The following LYG1 variants were observed in gnomAD, a reference collection of about 807,000 sequenced individuals.
The protein encoded by LYG1 is lysozyme g-like protein 1.
In LYG1, 17 loss-of-function variants were observed where a neutral mutation model predicts 21.7. That is an observed-to-expected ratio of 0.78 (90% CI 0.54 to 1.18). The LOEUF is 1.18. Ranked by LOEUF, LYG1 falls within the 50% of genes most tolerant of loss-of-function variation. The probability of loss-of-function intolerance (pLI) is 0.00; values close to 1 mark genes in which losing one functional copy is unlikely to be tolerated. For missense variants in LYG1, 211 were observed against 238.1 expected, an observed-to-expected ratio of 0.89 and a Z score of 0.75; for synonymous variants, 81 against 87.4, an observed-to-expected ratio of 0.93 and a Z score of 0.41.
chr2:99,288,814 T>A (rs1457065938), intron 5 of LYG1, among the ~76,000 whole-genome samples: 1 of 152,028 alleles, frequency 6.6e-6, no homozygotes, highest in East Asian at 1.9e-4. Context: ...AAATGATCCA[T>A]CCGCCTCAGC....
Position 99,284,264 on chromosome 2 carries a change from T to G in LYG1, c.*129A>C. On this transcript the variant is annotated 3_prime_UTR_variant, in exon 7 of 7. Coordinates refer to ENST00000308528, the MANE Select transcript of LYG1 (RefSeq NM_174898.3). ...GCAGGTCAAAATTCTTCCTTTAATG[T>G]GATTCATGTTATTTTAATGACTTTT... The G allele has an allele frequency of 1.3e-6, 1 of 756,890 alleles. No homozygotes were observed. Among genetic ancestry groups the G allele is most frequent in the Non-Finnish European group, 2.2e-6 (1 of 446,154 alleles). The allele number at this position is 756,890 out of a possible 1,614,324, so 46.9% of individuals were successfully genotyped here.
intron 3 of LYG1, among the ~76,000 whole-genome samples, chr2:99,294,865 C>A (rs562479480): frequency 1.3e-5 from 2 of 152,196 alleles, no homozygotes; most frequent in South Asian, 4.1e-4. Context: ...GTAATCCCAG[C>A]ACTTTGGGAG....
intron 5 of LYG1, among the ~76,000 whole-genome samples, chr2:99,290,361 C>G (rs2094114780): frequency 6.6e-6 from 1 of 152,208 alleles, no homozygotes; most frequent in Admixed American, 6.5e-5. Flanking sequence ...TATTTCCTCA[C>G]TTGTCAAGGA....
At chr2:99,287,218 T>C (rs1010137976) in intron 5 of LYG1, among the ~76,000 whole-genome samples, 2 of 152,222 alleles carry the variant, frequency 1.3e-5, no homozygotes, top group African/African-American at 4.8e-5. Flanking sequence ...TTAACAACAC[T>C]GTATTGTATG....
At chr2:99,294,982 A>T (rs1430080946) in intron 3 of LYG1, among the ~76,000 whole-genome samples, 2 of 152,166 alleles carry the variant, frequency 1.3e-5, no homozygotes, top group African/African-American at 4.8e-5. Context: ...GGCGCCTGTA[A>T]TCCCAGCTAC....
chr2:99,285,936 T>A (rs961514719), intron 5 of LYG1, among the ~76,000 whole-genome samples: 6 of 152,358 alleles, frequency 3.9e-5, no homozygotes, highest in Middle Eastern at 3.4e-3. Context: ...GTGAAATTCA[T>A]GTTGAAACTT....
intron 2 of LYG1, among the ~76,000 whole-genome samples, chr2:99,297,487 G>T (rs1303805693): frequency 6.6e-6 from 1 of 152,148 alleles, no homozygotes; most frequent in Non-Finnish European, 1.5e-5. Flanking sequence ...CTTCCTCTTG[G>T]AAACCCAAGT....
At chr2:99,285,045 C>G (rs915714131) in intron 5 of LYG1, among the ~76,000 whole-genome samples, 2 of 152,160 alleles carry the variant, frequency 1.3e-5, no homozygotes, top group African/African-American at 4.8e-5. Context: ...AAACCACTGA[C>G]AGTGCACAAA....
rs1321230506 is a variant in LYG1, at chr2:99,291,492, A to G, written c.149-71T>C. ...CTGCAACAGGAGCTCAAGGGGAGAG[A>G]GAAAGAACAATCCAAGGATCTGAGT... On this transcript the variant is annotated intron_variant, in intron 4 of 6. Coordinates refer to ENST00000308528, the MANE Select transcript of LYG1 (RefSeq NM_174898.3). 6 of 1,496,858 alleles carry G rather than the reference A, an allele frequency of 4.0e-6. No homozygotes were observed. The African/African-American group carries it at 8.3e-5, about 21-fold the overall frequency. The allele number at this position is 1,496,858 out of a possible 1,614,324, so 92.7% of individuals were successfully genotyped here.
At chr2:99,290,250 C>G (rs144220112) in intron 5 of LYG1, among the ~76,000 whole-genome samples, 1 of 152,300 alleles carries the variant, frequency 6.6e-6, no homozygotes, top group East Asian at 1.9e-4. Context: ...AACAGCGCAG[C>G]AGAAATGATG....
At chr2:99,303,636 A>G (rs2094160229), upstream of LYG1, among the ~76,000 whole-genome samples, 1 of 152,148 alleles carries the variant, frequency 6.6e-6, no homozygotes, top group Non-Finnish European at 1.5e-5. Context: ...ATTGCATTGG[A>G]GGTGAGCCAG....
At chr2:99,304,422 C>T (rs1425243856), upstream of LYG1, among the ~76,000 whole-genome samples, 2 of 152,224 alleles carry the variant, frequency 1.3e-5, no homozygotes, top group African/African-American at 4.8e-5. Context: ...ATCTGTTAAA[C>T]CTCTTGCTTT....
chr2:99,284,820 C>T lies in LYG1; in HGVS notation c.334G>A (p.Asp112Asn). 1 of 1,612,508 alleles carries T rather than the reference C, an allele frequency of 6.2e-7. No individual in the cohort carries two copies. The highest frequency in any genetic ancestry group is 8.5e-7 in the Non-Finnish European group (1 of 1,179,764). The change falls in exon 6 of 7, where the codon GAC (aspartate) becomes AAC (asparagine). Residue 112 changes from aspartate (D) to asparagine (N), a missense_variant and splice_region_variant. Physicochemically the swap from Asp to Asn is conservative, Grantham distance 23. Coordinates refer to ENST00000308528, the MANE Select transcript of LYG1 (RefSeq NM_174898.3). ...NMGDRTSMVQ[D>N]PGSQAPTSWI... is the part of the protein sequence containing the mutation. The stretch of plus-strand genomic sequence containing the variant: ...GATGTGGGAGCTTGAGAGCCAGGGT[C>T]CTGCAGGGAAGGAGGCAGAGAAGAA...
intron 6 of LYG1, 50 bp from the exon 7 acceptor site, chr2:99,284,561 ACT>A: frequency 6.3e-7 from 1 of 1,597,558 alleles, no homozygotes; most frequent in Non-Finnish European, 8.6e-7. Context: ...TCAGCAGTTA[ACT>A]CTGATTCTCT....
chr2:99,286,837 C>A (rs540425524), intron 5 of LYG1, among the ~76,000 whole-genome samples: 1 of 152,258 alleles, frequency 6.6e-6, no homozygotes, highest in South Asian at 2.1e-4. Context: ...CAAAGCTATT[C>A]CCAATAGCCA....
upstream of LYG1, among the ~76,000 whole-genome samples, chr2:99,302,595 T>A (rs1461623781): frequency 6.6e-6 from 1 of 152,336 alleles, no homozygotes; most frequent in East Asian, 1.9e-4. Flanking sequence ...TTCTCCTGTA[T>A]TCCTTATGGC....
At chr2:99,291,546 T>A in intron 4 of LYG1, 125 bp from the exon 5 acceptor site, 1 of 1,149,994 alleles carries the variant, frequency 8.7e-7, no homozygotes, top group Non-Finnish European at 1.2e-6. Context: ...ATCCCAGATT[T>A]TGGTCTTAAA....
At chr2:99,291,173 C>CAAAAA in intron 5 of LYG1, 64 bp downstream of exon 5, 3 of 1,522,558 alleles carry the variant, frequency 2.0e-6, no homozygotes, top group Non-Finnish European at 9.0e-7. Flanking sequence ...TGCCATCATC[C>CAAAAA]AAAAAACAAA....
At chr2:99,295,797 A>C in intron 2 of LYG1, 95 bp from the exon 3 acceptor site, 1 of 1,226,750 alleles carries the variant, frequency 8.2e-7, no homozygotes, top group Non-Finnish European at 1.2e-6. Flanking sequence ...GAAAAGAACA[A>C]ATTTCCCCAT....
Sources: gnomAD v4.1 joint callset for allele counts (sites outside exome capture counted in the v4.1 genomes callset) on GRCh38, gnomAD v4.1.1 for gene constraint, MANE v1.5 for transcripts, NCBI Gene and HGNC (gene_info 2026-07-23, HGNC 2026-07-21) for gene names.